Variants in PLB1 observed in about 807,000 individuals in gnomAD.
The protein encoded by PLB1 is phospholipase B1, also known as phospholipase B1, membrane-associated.
A neutral mutation model predicts 227.4 loss-of-function variants in PLB1; 242 were observed. The ratio of observed to expected loss-of-function variants is 1.06; its 90% CI spans 0.96 to 1.18. PLB1 has a LOEUF of 1.18. PLB1 is among the 50% of genes most tolerant of loss of function. PLB1 has a pLI of 0.00. For missense variants in PLB1, 1,858 were observed against 1,816.3 expected (o/e 1.02, Z -0.42); for synonymous variants, 757 against 682.2 (o/e 1.11, Z -1.71).
intron 21 of PLB1, among the ~76,000 whole-genome samples, chr2:28,574,338 C>CA (rs1553435016): frequency 4.5e-5 from 5 of 111,646 alleles, no homozygotes; most frequent in East Asian, 4.4e-4. Context: ...AATCCCTCAC[C>CA]CCCCCCACCC....
At chr2:28,626,603 C>A in intron 51 of PLB1, 95 bp downstream of exon 51, 1 of 633,374 alleles carries the variant, frequency 1.6e-6, no homozygotes, top group South Asian at 2.5e-5. Flanking sequence ...GCCCCGAGCT[C>A]CTTGCTCATG....
At chr2:28,600,230 C>G (rs919900725) in intron 35 of PLB1, among the ~76,000 whole-genome samples, 1 of 152,168 alleles carries the variant, frequency 6.6e-6, no homozygotes. Flanking sequence ...ATTATAAACC[C>G]AAGCATGTGT....
intron 12 of PLB1, 71 bp from the exon 13 acceptor site, chr2:28,541,636 T>A (rs1230042815): frequency 8.7e-7 from 1 of 1,146,316 alleles, no homozygotes; most frequent in East Asian, 2.4e-5. Context: ...CGAGAATGAT[T>A]TGGTCAGGTC....
At position 28,559,591 on chromosome 2, in the gene PLB1, T is replaced by C. The variant is rs1011055713; in HGVS notation, c.1148-3450T>C. ...AGACCTTGGAGACCTGGAAGTCCCT[T>C]GAGTATGTTTTCCACTCAATGTTAA... On this transcript the variant is annotated intron_variant, in intron 17 of 57. Coordinates refer to ENST00000327757, the MANE Select transcript of PLB1 (RefSeq NM_153021.5). Among the ~76,000 whole-genome samples, 9 of 152,106 alleles carry C rather than the reference T, an allele frequency of 5.9e-5. No homozygotes were observed. In the South Asian group the frequency reaches 6.2e-4, roughly 11 times the overall value.
Position 28,642,878 on chromosome 2 carries a change from C to T in PLB1, c.4194C>T (p.Thr1398=), listed in dbSNP as rs1159227463. ...CACAGGAGAGCCCTTACCTCTACACCCTGCGGAACAGCCGATTGCTCCCAG... is the reference window on the plus strand; with the variant it reads ...CACAGGAGAGCCCTTACCTCTACACTCTGCGGAACAGCCGATTGCTCCCAG... ...CPSPESPYLY[T]LRNSRLLPDQ... The change falls in exon 58 of 58, where the codon ACC becomes ACT. Residue 1398 remains threonine (T), a synonymous_variant. Transcript: ENST00000327757. The T allele has an allele frequency of 6.2e-7, 1 of 1,603,904 alleles. No individual in the cohort carries two copies. Among genetic ancestry groups the T allele is most frequent in the South Asian group, 1.1e-5 (1 of 89,028 alleles).
intron 12 of PLB1, among the ~76,000 whole-genome samples, chr2:28,541,137 A>G (rs1305841265): frequency 2.6e-5 from 4 of 152,066 alleles, no homozygotes; most frequent in Non-Finnish European, 5.9e-5. Context: ...GCACCACTGC[A>G]CTCCAGCCTG....
chr2:28,601,978 T>G lies in PLB1; in HGVS notation c.2673+14T>G. On this transcript the variant is annotated intron_variant, in intron 38 of 57. Transcript: ENST00000327757. ...CTGCATAGAGAGGTGGGTGGGGGGC[T>G]TCCACAAGCTGGTAACAGCTCAAGC... 6.2e-7 allele frequency: 1 copy of G among 1,600,018 alleles called. No homozygotes were observed. The highest frequency in any genetic ancestry group is 8.6e-7 in the Non-Finnish European group (1 of 1,167,488).
chr2:28,593,995 C>G (rs2148288782), intron 33 of PLB1: 1 of 732,800 alleles, frequency 1.4e-6, no homozygotes, highest in Middle Eastern at 2.4e-4. Context: ...GGGTTCTTAT[C>G]AGACTCCTGG....
chr2:28,589,662 G>T lies in PLB1; in HGVS notation c.1921-13G>T, dbSNP rs1681534122. The T allele has an allele frequency of 1.9e-6, 3 of 1,613,492 alleles. No homozygotes were observed. Among genetic ancestry groups the T allele is most frequent in the African/African-American group, 2.7e-5 (2 of 74,870 alleles). The stretch of plus-strand genomic sequence containing the variant: ...TGTCTATAACTGCCTCTCTTTTTCT[G>T]CCCGGTGACCAGGAAGGATTGCCTG... On this transcript the variant is annotated splice_polypyrimidine_tract_variant and intron_variant, in intron 27 of 57. Transcript: ENST00000327757.
chr2:28,641,605 C>CA, intron 57 of PLB1, among the ~76,000 whole-genome samples: 1 of 152,210 alleles, frequency 6.6e-6, no homozygotes, highest in East Asian at 1.9e-4. Flanking sequence ...GAGACTGTCT[C>CA]AAAAATAAAG....
At chr2:28,529,142 G>T (rs1670671189) in intron 6 of PLB1, among the ~76,000 whole-genome samples, 175 bp from the exon 7 acceptor site, 1 of 151,744 alleles carries the variant, frequency 6.6e-6, no homozygotes, top group African/African-American at 2.4e-5. Context: ...ACAGGGTTTT[G>T]CTCTGTTGCC....
At chr2:28,582,994 T>C (rs1023728262) in intron 25 of PLB1, among the ~76,000 whole-genome samples, 1 of 151,708 alleles carries the variant, frequency 6.6e-6, no homozygotes, top group Non-Finnish European at 1.5e-5. Context: ...GAGAAGGAGG[T>C]CAAACCAGAA....
At chr2:28,594,785 C>T (rs1420056890) in intron 33 of PLB1, 2 of 152,160 alleles carry the variant, frequency 1.3e-5, no homozygotes, top group African/African-American at 4.8e-5. Flanking sequence ...TCCACAAGTC[C>T]TTGGTCAGGT....
At chr2:28,604,913 A>G (rs966216198) in intron 41 of PLB1, among the ~76,000 whole-genome samples, 154 bp downstream of exon 41, 14 of 152,338 alleles carry the variant, frequency 9.2e-5, no homozygotes, top group Admixed American at 9.2e-4. Context: ...CGCCTGAGCC[A>G]CATCCGTATG....
In PLB1 at chr2:28,590,056, A is replaced by G. The variant is rs1004634360; in HGVS notation, c.2068A>G (p.Asn690Asp). 28 of 1,613,140 alleles carry G rather than the reference A, an allele frequency of 1.7e-5. No homozygotes were observed. The highest frequency in any genetic ancestry group is 8.0e-5 in the African/African-American group (6 of 74,864). The change falls in exon 29 of 58, where the codon AAT becomes GAT. Residue 690 changes from asparagine (N) to aspartate (D), a missense_variant. Asn to Asp is a conservative substitution (Grantham distance 23). Transcript: ENST00000327757. The stretch of plus-strand genomic sequence containing the variant: ...TCGTCATAAGTTTGAAAACAAGATC[A>G]ATATCACATGTCCGAACCAGGTAGA... ...TTRHKFENKI[N>D]ITCPNQVQPF...
intron 45 of PLB1, 52 bp downstream of exon 45, chr2:28,617,839 G>T: frequency 6.5e-7 from 1 of 1,545,626 alleles, no homozygotes. Context: ...CCGAATATCA[G>T]GTTGTGGGGA....
At chr2:28,541,467 T>C (rs1672473493) in intron 12 of PLB1, among the ~76,000 whole-genome samples, 1 of 152,212 alleles carries the variant, frequency 6.6e-6, no homozygotes, top group South Asian at 2.1e-4. Flanking sequence ...TTCCAGAGAA[T>C]ATATTTTAGG....
intron 4 of PLB1, among the ~76,000 whole-genome samples, chr2:28,523,258 T>C (rs1030118586): frequency 1.3e-5 from 2 of 151,752 alleles, no homozygotes; most frequent in African/African-American, 4.8e-5. Context: ...CATTCTCCAA[T>C]GTATAGCAAT....
intron 46 of PLB1, among the ~76,000 whole-genome samples, chr2:28,619,747 G>C (rs1263345616): frequency 6.6e-6 from 1 of 152,102 alleles, no homozygotes; most frequent in East Asian, 1.9e-4. Flanking sequence ...CTGAAGATTT[G>C]TGTGGACTGG....
Sources: allele counts gnomAD v4.1 joint callset (sites outside exome capture counted in the v4.1 genomes callset), GRCh38; gene constraint gnomAD v4.1.1; transcripts MANE v1.5; gene names NCBI Gene and HGNC (gene_info 2026-07-23, HGNC 2026-07-21).